The following SAMTOR variants were observed in gnomAD, a reference collection of about 807,000 sequenced individuals.
SAMTOR encodes S-adenosylmethionine sensor upstream of mTORC1.
At chr7:112,874,071 G>C in the SAMTOR span, among the ~76,000 whole-genome samples, 2 of 152,092 alleles carry the variant, frequency 1.3e-5, no homozygotes, top group African/African-American at 4.8e-5. Context: ...GGGATACAGA[G>C]AAAAGGGAAC....
chr7:112,839,648 A>T, the SAMTOR span, among the ~76,000 whole-genome samples: 1 of 151,966 alleles, frequency 6.6e-6, no homozygotes, highest in Admixed American at 6.6e-5. Context: ...TCCAAGAGAT[A>T]TTTAACTAGA....
the SAMTOR span, among the ~76,000 whole-genome samples, chr7:112,899,057 G>T: frequency 6.6e-6 from 1 of 152,102 alleles, no homozygotes; most frequent in Admixed American, 6.5e-5. Flanking sequence ...CAAGCATCAA[G>T]AACAGTCAGG....
the SAMTOR span, among the ~76,000 whole-genome samples, chr7:112,884,581 A>G: frequency 6.6e-6 from 1 of 152,168 alleles, no homozygotes; most frequent in African/African-American, 2.4e-5. Flanking sequence ...CAAGTTCCAA[A>G]ATGATCTCCT....
At chr7:112,932,030 A>G in the SAMTOR span, among the ~76,000 whole-genome samples, 4 of 150,946 alleles carry the variant, frequency 2.6e-5, no homozygotes, top group African/African-American at 7.3e-5. Context: ...GGTTCAAGTG[A>G]TTTTCCTACC....
At chr7:112,842,098 T>C in the SAMTOR span, among the ~76,000 whole-genome samples, 1 of 152,034 alleles carries the variant, frequency 6.6e-6, no homozygotes, top group African/African-American at 2.4e-5. Context: ...ATTTTTACTA[T>C]AAGCAATTTA....
At chr7:112,883,285 C>T in the SAMTOR span, among the ~76,000 whole-genome samples, 1 of 152,252 alleles carries the variant, frequency 6.6e-6, no homozygotes, top group Admixed American at 6.5e-5. Flanking sequence ...TAAATATGTC[C>T]TTCCATCCTT....
At chr7:112,843,501 G>A in the SAMTOR span, among the ~76,000 whole-genome samples, 5 of 151,776 alleles carry the variant, frequency 3.3e-5, no homozygotes, top group African/African-American at 9.7e-5. Context: ...CATAAAAGAA[G>A]GAATTGCTAA....
At chr7:112,890,487 T>C in the SAMTOR span, among the ~76,000 whole-genome samples, 1 of 152,034 alleles carries the variant, frequency 6.6e-6, no homozygotes, top group East Asian at 1.9e-4. Flanking sequence ...CCATGACAGT[T>C]TCTATACTTT....
chr7:112,924,585 G>A, the SAMTOR span, among the ~76,000 whole-genome samples: 369 of 151,978 alleles, frequency 2.4e-3, 2 homozygotes, highest in African/African-American at 8.7e-3. Context: ...ATTTTTGAGG[G>A]GGCTATGTAC....
chr7:112,887,292 T>C, the SAMTOR span, among the ~76,000 whole-genome samples: 1 of 150,834 alleles, frequency 6.6e-6, no homozygotes, highest in Non-Finnish European at 1.5e-5. Context: ...GCCTTAGGTT[T>C]GTTTCCATCA....
the SAMTOR span, among the ~76,000 whole-genome samples, chr7:112,873,422 G>A: frequency 6.6e-6 from 1 of 151,700 alleles, no homozygotes; most frequent in Non-Finnish European, 1.5e-5. Context: ...CCACACACAA[G>A]GAGCTGATTT....
chr7:112,825,546 C>A, the SAMTOR span, among the ~76,000 whole-genome samples: 1 of 152,220 alleles, frequency 6.6e-6, no homozygotes, highest in Admixed American at 6.5e-5. Flanking sequence ...TCTCTTGCAA[C>A]CTTGCTAAAC....
chr7:112,908,032 G>T, the SAMTOR span, among the ~76,000 whole-genome samples: 1 of 152,012 alleles, frequency 6.6e-6, no homozygotes, highest in Non-Finnish European at 1.5e-5. Flanking sequence ...CACACACAAG[G>T]TTATTCATTA....
the SAMTOR span, among the ~76,000 whole-genome samples, chr7:112,858,970 T>C: frequency 6.6e-6 from 1 of 152,188 alleles, no homozygotes; most frequent in African/African-American, 2.4e-5. Flanking sequence ...TGAAGGCACT[T>C]AGATGAAATT....
At chr7:112,862,963 T>C in the SAMTOR span, among the ~76,000 whole-genome samples, 2 of 150,994 alleles carry the variant, frequency 1.3e-5, no homozygotes, top group African/African-American at 2.4e-5. Flanking sequence ...TCTCTAACCC[T>C]TTCTTAAGTT....
At chr7:112,875,736 T>A in the SAMTOR span, among the ~76,000 whole-genome samples, 19 of 152,310 alleles carry the variant, frequency 1.2e-4, no homozygotes, top group South Asian at 3.3e-3. Flanking sequence ...AGGTCAATGA[T>A]GACTTAATCA....
At chr7:112,869,387 C>T in the SAMTOR span, among the ~76,000 whole-genome samples, 1 of 151,984 alleles carries the variant, frequency 6.6e-6, no homozygotes, top group South Asian at 2.1e-4. Flanking sequence ...TACTGGACGG[C>T]AGCCTGAATT....
chr7:112,932,868 G>C, the SAMTOR span, among the ~76,000 whole-genome samples: 2 of 152,210 alleles, frequency 1.3e-5, no homozygotes, highest in Non-Finnish European at 2.9e-5. Context: ...CAACCACGAA[G>C]AGGTCATTTC....
At chr7:112,902,416 C>CAAACA in the SAMTOR span, among the ~76,000 whole-genome samples, 1 of 12,320 alleles carries the variant, frequency 8.1e-5, no homozygotes. Flanking sequence ...AACTCCGTCT[C>CAAACA]AAAAAAAAAA....
Sources: gnomAD v4.1 joint callset for allele counts (sites outside exome capture counted in the v4.1 genomes callset) on GRCh38, gnomAD v4.1.1 for gene constraint, MANE v1.5 for transcripts, NCBI Gene and HGNC (gene_info 2026-07-23, HGNC 2026-07-21) for gene names.